The following SCN11A variants were observed in gnomAD, a reference collection of about 807,000 sequenced individuals.
SCN11A encodes the protein sodium channel protein type 11 subunit alpha.
SCN11A carries 122 observed loss-of-function variants against 162.2 expected under a neutral mutation model. The observed-to-expected ratio is 0.75, with a 90% CI of 0.65 to 0.87. The LOEUF is 0.87. Among genes scored for constraint, SCN11A ranks in the 40% least tolerant of loss-of-function variants. SCN11A has a pLI of 0.00. For synonymous variants in SCN11A, 758 were observed against 751.5 expected, an observed-to-expected ratio of 1.01 and a Z score of -0.14; for missense variants, 2,015 against 2,181.6, an observed-to-expected ratio of 0.92 and a Z score of 1.52.
chr3:38,947,849 AAG>A (rs1254068541), intron 5 of SCN11A, among the ~76,000 whole-genome samples: 1 of 152,242 alleles, frequency 6.6e-6, no homozygotes, highest in Non-Finnish European at 1.5e-5. Context: ...TTCAGAAAGT[AAG>A]AGTCATTCCT....
intron 7 of SCN11A, among the ~76,000 whole-genome samples, chr3:38,932,396 C>T (rs201933711): frequency 1.3e-5 from 2 of 152,184 alleles, no homozygotes; most frequent in Non-Finnish European, 2.9e-5. Context: ...GCGCACCGTG[C>T]ATGAGCCGAA....
intron 2 of SCN11A, among the ~76,000 whole-genome samples, chr3:38,979,211 A>G (rs1253630633): frequency 6.6e-6 from 1 of 152,206 alleles, no homozygotes; most frequent in African/African-American, 2.4e-5. Context: ...GTATTTGCTG[A>G]ATGAAGAAAA....
intron 28 of SCN11A, among the ~76,000 whole-genome samples, chr3:38,853,931 G>T (rs776344768): frequency 6.6e-6 from 1 of 152,124 alleles, no homozygotes; most frequent in Non-Finnish European, 1.5e-5. Flanking sequence ...GCACAGAGCT[G>T]CCCTGGATGC....
At chr3:38,858,958 A>C (rs1424212782) in intron 28 of SCN11A, among the ~76,000 whole-genome samples, 4 of 152,142 alleles carry the variant, frequency 2.6e-5, no homozygotes, top group Non-Finnish European at 5.9e-5. Context: ...GGAAATTTAA[A>C]AATTCTTTGA....
intron 5 of SCN11A, among the ~76,000 whole-genome samples, chr3:38,947,493 G>C (rs2066535818): frequency 6.6e-6 from 1 of 152,198 alleles, no homozygotes; most frequent in Non-Finnish European, 1.5e-5. Flanking sequence ...CCCTACAGAA[G>C]GCATTTGGAA....
intron 1 of SCN11A, among the ~76,000 whole-genome samples, chr3:39,033,363 A>C (rs1407481201): frequency 2.0e-5 from 3 of 148,042 alleles, no homozygotes; most frequent in Non-Finnish European, 3.0e-5. Context: ...TTCTTTCCAG[A>C]TGTTAAACTT....
intron 2 of SCN11A, among the ~76,000 whole-genome samples, chr3:38,975,152 TACAG>T (rs1194770721): frequency 1.3e-5 from 2 of 151,816 alleles, no homozygotes; most frequent in African/African-American, 4.8e-5. Flanking sequence ...GACAGTAAAA[TACAG>T]ACAATTTCAG....
In SCN11A at chr3:38,896,864, G is replaced by A. The variant is rs767279633; in HGVS notation, c.2384C>T (p.Thr795Met). ...ACATACCACAAGTTTTCCTATCACC[G>A]TGATCAATATGAAGACAATAACACA... ...SLCVIVFILI[T>M]VIGKLVVLNL... Residue 795 changes from threonine (T) to methionine (M), a missense_variant, in exon 18 of 30, where the codon ACG (threonine) becomes ATG (methionine). Physicochemically the swap from Thr to Met is moderately conservative, Grantham distance 81. Transcript: ENST00000302328. 1.5e-5 allele frequency: 24 copies of A among 1,556,048 alleles called. No individual in the cohort carries two copies. Among genetic ancestry groups the A allele is most frequent in the Admixed American group, 7.3e-5 (4 of 54,610 alleles).
At chr3:38,992,742 C>T (rs55755405) in intron 2 of SCN11A, among the ~76,000 whole-genome samples, 9,377 of 152,266 alleles carry the variant, frequency 0.062, 373 homozygotes, top group Middle Eastern at 0.15. Context: ...ATTAGGAAAC[C>T]AATGCACAGA....
intron 3 of SCN11A, among the ~76,000 whole-genome samples, chr3:38,958,940 G>C (rs781228016): frequency 1.3e-5 from 2 of 152,138 alleles, no homozygotes; most frequent in Non-Finnish European, 2.9e-5. Context: ...TCTCTTTAAG[G>C]TCAGAGGCTT....
At chr3:39,010,887 G>A (rs1575357783) in intron 2 of SCN11A, among the ~76,000 whole-genome samples, 1 of 152,282 alleles carries the variant, frequency 6.6e-6, no homozygotes, top group South Asian at 2.1e-4. Context: ...TTGCTGAGGA[G>A]GGGTGTGTGT....
In SCN11A at chr3:38,899,974, C is replaced by A. The variant is rs377765909; in HGVS notation, c.1942G>T (p.Val648Phe). The stretch of plus-strand genomic sequence containing the variant: ...ACATCTGCAAAACTCAGAAGAGCAA[C>A]AATGCTGTCAAAAATGTTCCAGCCT... ...RRGWNIFDSI[V>F]ALLSFADVMN... is the part of the protein sequence containing the mutation. Residue 648 changes from valine to phenylalanine, a missense_variant, in exon 17 of 30, where the codon GTT (valine) becomes TTT (phenylalanine). Transcript: ENST00000302328. 6.2e-7 allele frequency: 1 copy of A among 1,614,070 alleles called. No homozygotes were observed. Among genetic ancestry groups the A allele is most frequent in the Non-Finnish European group, 8.5e-7 (1 of 1,179,976 alleles).
chr3:38,868,746 A>G (rs1202763906), intron 26 of SCN11A, among the ~76,000 whole-genome samples: 1 of 152,200 alleles, frequency 6.6e-6, no homozygotes, highest in Non-Finnish European at 1.5e-5. Flanking sequence ...TGGAAGGCAA[A>G]GAGGGTATTC....
At chr3:39,016,599 T>A (rs1402595043) in intron 2 of SCN11A, among the ~76,000 whole-genome samples, 1 of 152,124 alleles carries the variant, frequency 6.6e-6, no homozygotes, top group Non-Finnish European at 1.5e-5. Flanking sequence ...TTTATTTACT[T>A]AACTTTATTT....
At chr3:38,875,027 A>C (rs1218713572) in intron 23 of SCN11A, among the ~76,000 whole-genome samples, 1 of 152,218 alleles carries the variant, frequency 6.6e-6, no homozygotes, top group Admixed American at 6.6e-5. Flanking sequence ...TCTGTACAAC[A>C]ATATCCCAAG....
intron 2 of SCN11A, among the ~76,000 whole-genome samples, chr3:38,974,911 C>T (rs1020350129): frequency 6.0e-5 from 9 of 151,032 alleles, no homozygotes; most frequent in Non-Finnish European, 8.8e-5. Context: ...TCAATAACTA[C>T]GTGCAAAATA....
chr3:38,894,532 C>A lies in SCN11A; in HGVS notation c.2835+1G>T. On this transcript the variant is annotated splice_donor_variant, in intron 19 of 29. Coordinates refer to ENST00000302328, the MANE Select transcript of SCN11A (RefSeq NM_001349253.2). LOFTEE classifies it high-confidence loss of function. ...TTAAGTCTATGTGTGAACCTTCATA[C>A]CTGTTGTTCAGGCTCAGGTTGTGTG... The A allele has an allele frequency of 6.3e-7, 1 of 1,595,906 alleles. No homozygotes were observed. Among genetic ancestry groups the A allele is most frequent in the Non-Finnish European group, 8.5e-7 (1 of 1,171,316 alleles).
At chr3:38,910,367 C>T (rs940769065) in intron 11 of SCN11A, among the ~76,000 whole-genome samples, 160 bp from the exon 12 acceptor site, 3 of 152,172 alleles carry the variant, frequency 2.0e-5, no homozygotes, top group Admixed American at 1.3e-4. Flanking sequence ...TCTGACAAGA[C>T]TCTTTTGCTA....
intron 28 of SCN11A, among the ~76,000 whole-genome samples, chr3:38,856,243 C>G (rs539704594): frequency 6.6e-6 from 1 of 152,294 alleles, no homozygotes; most frequent in East Asian, 1.9e-4. Flanking sequence ...ACTGCAGACA[C>G]AGCTGGGGCT....
Sources: gnomAD v4.1 joint callset for allele counts (sites outside exome capture counted in the v4.1 genomes callset) on GRCh38, gnomAD v4.1.1 for gene constraint, MANE v1.5 for transcripts, NCBI Gene and HGNC (gene_info 2026-07-23, HGNC 2026-07-21) for gene names.